DAPK2: variants seen among roughly 807,000 people sequenced by gnomAD.
DAPK2 encodes death-associated protein kinase 2.
DAPK2 carries 35 observed loss-of-function variants against 44.1 expected under a neutral mutation model. The ratio of observed to expected loss-of-function variants is 0.79; its 90% CI spans 0.61 to 1.05. The LOEUF is 1.05. Ranked by LOEUF, DAPK2 falls within the 50% of genes least tolerant of loss-of-function variation. The probability of loss-of-function intolerance (pLI) is 0.00; values close to 1 mark genes in which losing one functional copy is unlikely to be tolerated. For synonymous variants in DAPK2, 174 were observed against 182.6 expected (o/e 0.95, Z 0.38); for missense variants, 453 against 483.2 (o/e 0.94, Z 0.59).
chr15:64,007,673 T>A (rs544446343), intron 1 of DAPK2, among the ~76,000 whole-genome samples: 1 of 152,368 alleles, frequency 6.6e-6, no homozygotes, highest in South Asian at 2.1e-4. Context: ...CATAAGGGAC[T>A]GAGAGTCCGA....
intron 1 of DAPK2, among the ~76,000 whole-genome samples, chr15:63,994,056 T>C (rs552228107): frequency 1.3e-5 from 2 of 152,254 alleles, no homozygotes; most frequent in African/African-American, 4.8e-5. Context: ...TCAGGGACTA[T>C]CTTCATGGCC....
chr15:63,956,273 C>T (rs1283922952), intron 3 of DAPK2, among the ~76,000 whole-genome samples: 1 of 151,896 alleles, frequency 6.6e-6, no homozygotes, highest in Non-Finnish European at 1.5e-5. Context: ...GTATTGTTTT[C>T]TTCATTTCAC....
chr15:63,993,622 C>T (rs771831030), intron 1 of DAPK2, among the ~76,000 whole-genome samples: 4 of 151,902 alleles, frequency 2.6e-5, no homozygotes, highest in Non-Finnish European at 5.9e-5. Context: ...TGAAAATGCC[C>T]AAGATTGCTT....
Position 63,997,014 on chromosome 15 carries a change from G to A in DAPK2, c.93-13260C>T, listed in dbSNP as rs190858325. ...GTGGGGACAGAAGGAACAGGTCCAA[G>A]TCCTCTTAGAAGCACATCTTCCTCT... On this transcript the variant is annotated intron_variant, in intron 1 of 10. Transcript: ENST00000261891. Among the ~76,000 whole-genome samples, 41 of 152,234 alleles carry A rather than the reference G, an allele frequency of 2.7e-4. 2 individuals carry two copies. The East Asian group carries it at 7.4e-3, about 27-fold the overall frequency.
intron 1 of DAPK2, among the ~76,000 whole-genome samples, chr15:64,033,243 G>T: frequency 7.8e-6 from 1 of 128,152 alleles, no homozygotes; most frequent in Non-Finnish European, 1.7e-5. Flanking sequence ...CTGAGTAACA[G>T]AGAGACCCCT....
chr15:63,944,262 C>A (rs114135733), intron 3 of DAPK2, among the ~76,000 whole-genome samples: 1 of 152,170 alleles, frequency 6.6e-6, no homozygotes, highest in Non-Finnish European at 1.5e-5. Context: ...TCACCATTCA[C>A]TTATTGGGCC....
chr15:64,033,831 C>T (rs984942701), intron 1 of DAPK2, among the ~76,000 whole-genome samples: 3 of 151,590 alleles, frequency 2.0e-5, no homozygotes, highest in African/African-American at 4.9e-5. Context: ...TGGTGTGAAC[C>T]GTGAACCCGG....
intron 4 of DAPK2, among the ~76,000 whole-genome samples, chr15:63,936,671 A>T (rs2077161834): frequency 6.6e-6 from 1 of 151,452 alleles, no homozygotes; most frequent in Non-Finnish European, 1.5e-5. Flanking sequence ...ATGAAAAAGA[A>T]AATTTTTCTC....
chr15:63,939,219 G>A lies in DAPK2; in HGVS notation c.583+13C>T, dbSNP rs771903012. Reference sequence around the variant, plus strand: ...AGATTCTTAGCTGAAAGACAAACAGGCCTACAACTCACCAACAAATTCCGG... The same window carrying A: ...AGATTCTTAGCTGAAAGACAAACAGACCTACAACTCACCAACAAATTCCGG... On this transcript the variant is annotated intron_variant, in intron 4 of 10. Transcript: ENST00000261891. This position sits in a 1 kb window ranked among gnomAD's most constrained non-coding sequence, Gnocchi z 4.3. The A allele has an allele frequency of 6.2e-7, 1 of 1,613,496 alleles. No individual in the cohort carries two copies. Among genetic ancestry groups the A allele is most frequent in the Non-Finnish European group, 8.5e-7 (1 of 1,179,834 alleles).
rs114952308 is a variant in DAPK2 at position 63,971,749 on chromosome 15, T to G, written c.315-188A>C. ...ACTGACTTTGCTCCTATTTGCTTTG[T>G]TCTTTCTTTTGGATCACAAGGGCAG... is the stretch of plus-strand genomic sequence containing the variant. On this transcript the variant is annotated intron_variant, in intron 2 of 10. Transcript: ENST00000261891. Among the ~76,000 whole-genome samples the G allele has an allele frequency of 8.5e-3, 1,290 of 152,350 alleles. 26 individuals are homozygous for G. Among genetic ancestry groups the G allele is most frequent in the African/African-American group, 0.029 (1,219 of 41,576 alleles).
intron 5 of DAPK2, 152 bp from the exon 7 acceptor site, chr15:63,929,729 G>A (rs1464100390): frequency 3.4e-6 from 3 of 872,346 alleles, no homozygotes; most frequent in African/African-American, 1.6e-5. Context: ...TCTCCATCCT[G>A]CTCTTCAGCA....
At chr15:63,952,122 C>T (rs1423948894) in intron 3 of DAPK2, among the ~76,000 whole-genome samples, 1 of 152,110 alleles carries the variant, frequency 6.6e-6, no homozygotes, top group East Asian at 1.9e-4. Flanking sequence ...TGCCTGTAAT[C>T]CCAACTACTC....
At chr15:63,910,143 G>A (rs1474062802) in intron 10 of DAPK2, among the ~76,000 whole-genome samples, 1 of 152,254 alleles carries the variant, frequency 6.6e-6, no homozygotes, top group Non-Finnish European at 1.5e-5. Context: ...CTCAGCGGGA[G>A]AGCGGTCCAG....
Position 63,929,524 on chromosome 15 carries a change from C to T in DAPK2, c.659+27G>A, listed in dbSNP as rs144895518. ...TGGTTCCCCCAGATCTAAGCTGAGC[C>T]AGAGCCCCTGGATCAGGGATACTCA... is the stretch of plus-strand genomic sequence containing the variant. On this transcript the variant is annotated intron_variant, in intron 6 of 10. Coordinates refer to ENST00000261891, the Ensembl canonical transcript of DAPK2. The T allele has an allele frequency of 5.4e-4, 879 of 1,613,768 alleles. 8 individuals are homozygous for T. In the African/African-American group the frequency reaches 9.5e-3, roughly 17 times the overall value.
chr15:63,929,701 T>A, intron 5 of DAPK2, 124 bp from the exon 7 acceptor site: 1 of 1,127,388 alleles, frequency 8.9e-7, no homozygotes, highest in Non-Finnish European at 1.3e-6. Flanking sequence ...CTGGATGCCG[T>A]CTCATGCTCC....
chr15:64,018,924 G>A (rs2079608081), intron 1 of DAPK2, among the ~76,000 whole-genome samples: 1 of 152,182 alleles, frequency 6.6e-6, no homozygotes, highest in Non-Finnish European at 1.5e-5. Flanking sequence ...TGCCTCTGAG[G>A]ATTTAGAGAA....
chr15:63,923,099 T>C lies in DAPK2; in HGVS notation c.858+1717A>G. ...CTCTCGGTACCAAGCTTCCTTCTCA[T>C]TGAAGATGGAGACCAGGGCCTCCAC... is the stretch of plus-strand genomic sequence containing the variant. On this transcript the variant is annotated intron_variant, in intron 8 of 10. Coordinates refer to ENST00000261891, the Ensembl canonical transcript of DAPK2. This position sits in a 1 kb window ranked among gnomAD's most constrained non-coding sequence, Gnocchi z 4.2. The C allele has an allele frequency of 1.3e-6, 2 of 1,535,880 alleles. No homozygotes were observed. Among genetic ancestry groups the C allele is most frequent in the Non-Finnish European group, 8.7e-7 (1 of 1,146,744 alleles).
intron 5 of DAPK2, 140 bp downstream of exon 6, chr15:63,930,267 G>A (rs57475102): frequency 0.019 from 16,222 of 870,508 alleles, 266 homozygotes; most frequent in African/African-American, 0.064. Context: ...CTAACACATC[G>A]GGGGAGCAGC....
intron 1 of DAPK2, among the ~76,000 whole-genome samples, chr15:64,008,138 T>G (rs939168412): frequency 7.2e-5 from 11 of 152,222 alleles, no homozygotes; most frequent in African/African-American, 1.4e-4. Context: ...TTTAATGGCT[T>G]TAATACACTA....
Sources: allele counts gnomAD v4.1 joint callset (sites outside exome capture counted in the v4.1 genomes callset), GRCh38; gene constraint gnomAD v4.1.1; non-coding constraint Gnocchi (gnomAD v3.1); transcripts MANE v1.5; gene names NCBI Gene and HGNC (gene_info 2026-07-23, HGNC 2026-07-21).